Variants in VIPR2 observed in about 807,000 individuals in gnomAD.
VIPR2 encodes vasoactive intestinal peptide receptor 2, also known as vasoactive intestinal polypeptide receptor 2.
A neutral mutation model predicts 58.0 loss-of-function variants in VIPR2; 48 were observed. The ratio of observed to expected loss-of-function variants is 0.83; its 90% CI spans 0.66 to 1.05. The LOEUF is 1.05. Among genes scored for constraint, VIPR2 ranks in the 50% least tolerant of loss-of-function variants. VIPR2 has a pLI of 0.00. For synonymous variants in VIPR2, 243 were observed against 235.2 expected, an observed-to-expected ratio of 1.03 and a Z score of -0.30; for missense variants, 534 against 558.0, an observed-to-expected ratio of 0.96 and a Z score of 0.43.
At chr7:159,070,246 A>G (rs1414937666) in intron 4 of VIPR2, among the ~76,000 whole-genome samples, 4 of 152,164 alleles carry the variant, frequency 2.6e-5, no homozygotes, top group Non-Finnish European at 4.4e-5. Flanking sequence ...GTCAGATTCC[A>G]AGCAGCCGCC....
Position 159,095,681 on chromosome 7 carries a change from C to T in VIPR2, c.357+8076G>A, listed in dbSNP as rs910712052. Among the ~76,000 whole-genome samples the T allele has an allele frequency of 6.6e-6, 1 of 152,172 alleles. No individual in the cohort carries two copies. The highest frequency in any genetic ancestry group is 1.5e-5 in the Non-Finnish European group (1 of 68,034). ...CAGACTCAAGGCCCTGCTGTTCTGC[C>T]CCCTTGGCCGTTATCCAGCCCACGG... On this transcript the variant is annotated intron_variant, in intron 4 of 12. Coordinates refer to ENST00000262178, the MANE Select transcript of VIPR2 (RefSeq NM_003382.5). The surrounding 1 kb of genome is among the most constrained non-coding windows in gnomAD (Gnocchi z 5.2).
At chr7:159,132,801 AGACAGAATGATTGGCATACCG>A (rs1796990319) in intron 2 of VIPR2, among the ~76,000 whole-genome samples, 1 of 130,158 alleles carries the variant, frequency 7.7e-6, no homozygotes, top group Admixed American at 7.8e-5. Context: ...GACTGATTTC[AGACAGAATGATTGGCATACCG>A]ATTGATTTGA....
intron 4 of VIPR2, among the ~76,000 whole-genome samples, chr7:159,063,864 G>A (rs1239422404): frequency 8.5e-6 from 1 of 117,590 alleles, no homozygotes; most frequent in East Asian, 3.0e-4. Context: ...GGTGGGTTCC[G>A]GGGGTCCTGG....
At chr7:159,059,711 T>G (rs1454233402) in intron 4 of VIPR2, among the ~76,000 whole-genome samples, 1 of 135,190 alleles carries the variant, frequency 7.4e-6, no homozygotes, top group Non-Finnish European at 1.7e-5. Context: ...CACGAGAATA[T>G]GTCATTAACC....
chr7:159,035,205 A>G (rs910128825), intron 8 of VIPR2, among the ~76,000 whole-genome samples: 1 of 152,138 alleles, frequency 6.6e-6, no homozygotes, highest in South Asian at 2.1e-4. Flanking sequence ...CCTCCCATAA[A>G]GCAGAATCTC....
intron 4 of VIPR2, among the ~76,000 whole-genome samples, chr7:159,083,288 C>T (rs1857006687): frequency 6.6e-6 from 1 of 152,240 alleles, no homozygotes; most frequent in Non-Finnish European, 1.5e-5. Context: ...TCTCCCCCAG[C>T]TTCATCCGGA....
intron 6 of VIPR2, among the ~76,000 whole-genome samples, chr7:159,040,485 G>C (rs1282593013): frequency 6.6e-6 from 1 of 152,250 alleles, no homozygotes; most frequent in East Asian, 1.9e-4. Context: ...TGAGAATAAA[G>C]GGCAGGTTTG....
intron 1 of VIPR2, chr7:159,144,393 C>T: frequency 6.5e-7 from 1 of 1,545,172 alleles, no homozygotes; most frequent in Non-Finnish European, 8.7e-7. Flanking sequence ...CCGCAGCTCC[C>T]AGCTCCCGGG....
At chr7:159,140,541 A>G (rs1797422108) in intron 2 of VIPR2, among the ~76,000 whole-genome samples, 1 of 152,222 alleles carries the variant, frequency 6.6e-6, no homozygotes, top group South Asian at 2.1e-4. Context: ...GCAAGTCAAA[A>G]AGGTAAAACA....
intron 4 of VIPR2, among the ~76,000 whole-genome samples, chr7:159,077,118 A>T (rs1009408890): frequency 6.6e-6 from 1 of 152,260 alleles, no homozygotes. Context: ...TACATAAATG[A>T]TCAGTCCAAG....
At chr7:159,045,404 A>G (rs1248522436) in intron 5 of VIPR2, among the ~76,000 whole-genome samples, 1 of 152,232 alleles carries the variant, frequency 6.6e-6, no homozygotes, top group African/African-American at 2.4e-5. Flanking sequence ...TATAGAACTG[A>G]GAGTCCAGAA....
intron 2 of VIPR2, among the ~76,000 whole-genome samples, chr7:159,114,133 A>G (rs1213828499): frequency 6.6e-6 from 1 of 152,218 alleles, no homozygotes; most frequent in Non-Finnish European, 1.5e-5. Flanking sequence ...CCAAAGCAAA[A>G]TAGTGCATGA....
intron 2 of VIPR2, among the ~76,000 whole-genome samples, chr7:159,114,711 T>G (rs1261246287): frequency 1.3e-5 from 2 of 150,544 alleles, no homozygotes; most frequent in African/African-American, 4.9e-5. Flanking sequence ...GAGGCTGAGG[T>G]AGGAGGATTG....
intron 4 of VIPR2, among the ~76,000 whole-genome samples, chr7:159,064,805 C>T (rs1175295015): frequency 6.6e-6 from 1 of 152,186 alleles, no homozygotes; most frequent in Non-Finnish European, 1.5e-5. Context: ...GCTGGGGCAC[C>T]GACCCTCCCT....
chr7:159,110,934 TATAAA>T (rs1220753548), intron 2 of VIPR2, among the ~76,000 whole-genome samples: 1 of 152,238 alleles, frequency 6.6e-6, no homozygotes, highest in Non-Finnish European at 1.5e-5. Context: ...ATATATTTAT[TATAAA>T]ATAAAATTAC....
Position 159,030,390 on chromosome 7 carries a change from C to A in VIPR2, c.*226G>T. On this transcript the variant is annotated 3_prime_UTR_variant, in exon 13 of 13. Coordinates refer to ENST00000262178, the MANE Select transcript of VIPR2 (RefSeq NM_003382.5). ...GTGGATCCACTATACGGCTGAAACA[C>A]ATTTTGCACAAGATTATCTAAATGC... is the stretch of plus-strand genomic sequence containing the variant. 1 of 435,096 alleles carries A rather than the reference C, an allele frequency of 2.3e-6. No homozygotes were observed. Among genetic ancestry groups the A allele is most frequent in the Non-Finnish European group, 3.9e-6 (1 of 253,710 alleles). The allele number at this position is 435,096 out of a possible 1,614,324, so 27.0% of individuals were successfully genotyped here. A position where few individuals can be genotyped will look rare whatever the true frequency, so the allele number is the denominator to read the frequency against.
At position 159,128,831 on chromosome 7, in the gene VIPR2, G is replaced by A. The variant is rs894023814; in HGVS notation, c.151+13615C>T. 1.9e-4 allele frequency among the ~76,000 whole-genome samples: 29 copies of A among 152,274 alleles called. No homozygotes were observed. Among genetic ancestry groups the A allele is most frequent in the African/African-American group, 6.7e-4 (28 of 41,558 alleles). ...GCTCTGCAGGTTGGGCACGCTAACT[G>A]CTCTTCTCCCTCAACTGCTCCCTCC... On this transcript the variant is annotated intron_variant, in intron 2 of 12. Transcript: ENST00000262178. This position sits in a 1 kb window ranked among gnomAD's most constrained non-coding sequence, Gnocchi z 4.1.
At chr7:159,063,850 G>GGTGGAGTCTGGGGGT (rs1855897121) in intron 4 of VIPR2, among the ~76,000 whole-genome samples, 1 of 22,966 alleles carries the variant, frequency 4.4e-5, no homozygotes, top group Admixed American at 4.6e-4. Flanking sequence ...GGTCTGGGGG[G>GGTGGAGTCTGGGGGT]CCTGGTGGGT....
chr7:159,058,692 G>T, intron 4 of VIPR2, 114 bp from the exon 5 acceptor site: 1 of 778,320 alleles, frequency 1.3e-6, no homozygotes, highest in Non-Finnish European at 2.1e-6. Context: ...TTGCCTGCCT[G>T]GAAGGCACGA....
Sources: gnomAD v4.1 joint callset for allele counts (sites outside exome capture counted in the v4.1 genomes callset) on GRCh38, gnomAD v4.1.1 for gene constraint, Gnocchi (gnomAD v3.1) non-coding constraint, MANE v1.5 for transcripts, NCBI Gene and HGNC (gene_info 2026-07-23, HGNC 2026-07-21) for gene names.